Variants in MYO5B observed in about 807,000 individuals in gnomAD.
The protein encoded by MYO5B is unconventional myosin-Vb.
In MYO5B, 143 loss-of-function variants were observed where a neutral mutation model predicts 229.3. The ratio of observed to expected loss-of-function variants is 0.62; its 90% CI spans 0.54 to 0.72. The LOEUF (loss-of-function observed/expected upper bound fraction) is 0.72, where lower values mean the gene tolerates loss of function less well. Among genes scored for constraint, MYO5B ranks in the 30% least tolerant of loss-of-function variants. MYO5B has a pLI of 0.00. For missense variants in MYO5B, 2,321 were observed against 2,331.0 expected (o/e 1.00, Z 0.09); for synonymous variants, 918 against 885.2 (o/e 1.04, Z -0.66).
At chr18:49,976,649 G>A (rs1252825665) in intron 9 of MYO5B, among the ~76,000 whole-genome samples, 2 of 152,180 alleles carry the variant, frequency 1.3e-5, no homozygotes, top group Admixed American at 6.5e-5. Flanking sequence ...GAGGCCTCCT[G>A]CCTTCTGGCC....
At chr18:49,930,199 AT>A (rs2025174283) in intron 16 of MYO5B, among the ~76,000 whole-genome samples, 1 of 152,196 alleles carries the variant, frequency 6.6e-6, no homozygotes, top group Admixed American at 6.5e-5. Context: ...CTTAAATGTA[AT>A]GGTCCCTGAA....
At chr18:50,146,401 C>G (rs1193568504) in intron 1 of MYO5B, among the ~76,000 whole-genome samples, 1 of 152,218 alleles carries the variant, frequency 6.6e-6, no homozygotes, top group African/African-American at 2.4e-5. Flanking sequence ...AGCCTTCCCT[C>G]AAGATGACCT....
intron 22 of MYO5B, among the ~76,000 whole-genome samples, chr18:49,885,902 A>G (rs1353662080): frequency 2.6e-5 from 4 of 152,168 alleles, no homozygotes; most frequent in African/African-American, 9.7e-5. Flanking sequence ...ACACAATACA[A>G]TACTATTAAG....
rs2023846825 is a variant in MYO5B at position 49,826,441 on chromosome 18, GA to G, written c.*29del. ...TATACTTCCTTCTTGCTCACATTGG[GA>G]ATCAAACTAATGCTGGAAACATGCA... On this transcript the variant is annotated 3_prime_UTR_variant, in exon 40 of 40. Coordinates refer to ENST00000285039, the MANE Select transcript of MYO5B (RefSeq NM_001080467.3). 1 of 1,612,318 alleles carries G rather than the reference GA, an allele frequency of 6.2e-7. No individual in the cohort carries two copies. Among genetic ancestry groups the G allele is most frequent in the African/African-American group, 1.3e-5 (1 of 74,872 alleles).
intron 14 of MYO5B, among the ~76,000 whole-genome samples, chr18:49,953,028 T>C (rs1441151684): frequency 6.6e-6 from 1 of 152,090 alleles, no homozygotes; most frequent in East Asian, 1.9e-4. Context: ...CCTACACTCC[T>C]TGCTTTCTTC....
intron 14 of MYO5B, among the ~76,000 whole-genome samples, chr18:49,944,321 T>G (rs925341491): frequency 6.6e-6 from 1 of 151,916 alleles, no homozygotes; most frequent in Non-Finnish European, 1.5e-5. Context: ...CAAGCAACAA[T>G]GCACCACAGA....
chr18:50,039,783 T>G (rs4939615), intron 3 of MYO5B, among the ~76,000 whole-genome samples: 1 of 152,150 alleles, frequency 6.6e-6, no homozygotes, highest in Non-Finnish European at 1.5e-5. Context: ...GCTTTTCAAG[T>G]AGAAAATAAA....
In MYO5B at chr18:50,060,258, G is replaced by A. The variant is rs964117870; in HGVS notation, c.28-4880C>T. Among the ~76,000 whole-genome samples, 10 of 152,098 alleles carry A rather than the reference G, an allele frequency of 6.6e-5. No individual in the cohort carries two copies. The South Asian group carries it at 8.3e-4, about 13-fold the overall frequency. On this transcript the variant is annotated intron_variant, in intron 1 of 39. Transcript: ENST00000285039. ...CTTGTACATGCTCTCTCCTGGCATC[G>A]GTTCACATTACTAGTCTATGAAAAA...
chr18:49,984,650 C>T (rs1487196970), intron 8 of MYO5B, 68 bp downstream of exon 8: 19 of 1,231,282 alleles, frequency 1.5e-5, no homozygotes, highest in Admixed American at 8.4e-5. Flanking sequence ...AGTGGGACAT[C>T]GCCTTGCATT....
intron 39 of MYO5B, 117 bp from the exon 40 acceptor site, chr18:49,826,740 A>G (rs2023851958): frequency 1.7e-5 from 21 of 1,245,078 alleles, no homozygotes. Flanking sequence ...ACAATTAGGT[A>G]GAACTTCAGG....
At chr18:50,156,914 A>G (rs186300103) in intron 1 of MYO5B, among the ~76,000 whole-genome samples, 94 of 152,246 alleles carry the variant, frequency 6.2e-4, no homozygotes, top group African/African-American at 2.1e-3. Context: ...ACTGTCACCA[A>G]TGAAGTCCAT....
chr18:50,020,595 A>G (rs550048835), intron 4 of MYO5B, among the ~76,000 whole-genome samples: 27 of 152,276 alleles, frequency 1.8e-4, no homozygotes, highest in Non-Finnish European at 3.2e-4. Context: ...ATTTACCTAC[A>G]ATGACCACAA....
chr18:50,149,289 C>A (rs1396214082), intron 1 of MYO5B, among the ~76,000 whole-genome samples: 1 of 150,774 alleles, frequency 6.6e-6, no homozygotes, highest in Non-Finnish European at 1.5e-5. Context: ...AATGCCATCC[C>A]CATCAAGCTA....
intron 1 of MYO5B, among the ~76,000 whole-genome samples, chr18:50,077,544 A>G (rs2031118157): frequency 8.6e-6 from 1 of 115,706 alleles, no homozygotes; most frequent in South Asian, 2.7e-4. Flanking sequence ...CACACACAGT[A>G]AAGGACTTCA....
chr18:49,982,036 G>A lies in MYO5B; in HGVS notation c.947-1483C>T, dbSNP rs546042216. Among the ~76,000 whole-genome samples, 22 of 152,160 alleles carry A rather than the reference G, an allele frequency of 1.4e-4. No homozygotes were observed. The East Asian group carries it at 3.3e-3, about 23-fold the overall frequency. ...AGGAGCTGGGTGCTGGTACCATCAC[G>A]GAACAAGAAGGATATACTCCCTAGA... On this transcript the variant is annotated intron_variant, in intron 8 of 39. Transcript: ENST00000285039.
chr18:50,065,855 C>T (rs2030807541), intron 1 of MYO5B, among the ~76,000 whole-genome samples: 1 of 151,980 alleles, frequency 6.6e-6, no homozygotes, highest in Non-Finnish European at 1.5e-5. Context: ...GGTAGCTGGG[C>T]AAGATGTGGA....
chr18:50,186,666 G>A (rs892155813), intron 1 of MYO5B, among the ~76,000 whole-genome samples: 3 of 152,148 alleles, frequency 2.0e-5, no homozygotes, highest in African/African-American at 4.8e-5. Context: ...GTGACTGGAG[G>A]GAGAAGCAAA....
intron 27 of MYO5B, chr18:49,871,424 G>A (rs1442825579): frequency 6.5e-6 from 1 of 154,366 alleles, no homozygotes; most frequent in African/African-American, 2.4e-5. Context: ...GGTTAATTAT[G>A]ATGGTAAATT....
At chr18:49,930,894 A>AAAG (rs2025183116) in intron 16 of MYO5B, among the ~76,000 whole-genome samples, 1 of 149,868 alleles carries the variant, frequency 6.7e-6, no homozygotes, top group Admixed American at 7.0e-5. Context: ...TCTGTCTCAA[A>AAAG]AAAAAACACT....
Sources: gnomAD v4.1 joint callset for allele counts (sites outside exome capture counted in the v4.1 genomes callset) on GRCh38, gnomAD v4.1.1 for gene constraint, MANE v1.5 for transcripts, NCBI Gene and HGNC (gene_info 2026-07-23, HGNC 2026-07-21) for gene names.